The following KLHL8 variants were observed in gnomAD, a reference collection of about 807,000 sequenced individuals.
KLHL8 encodes kelch-like protein 8.
KLHL8 carries 38 observed loss-of-function variants against 63.5 expected under a neutral mutation model. That is an observed-to-expected ratio of 0.60 (90% confidence interval 0.46 to 0.78). The LOEUF (loss-of-function observed/expected upper bound fraction) is 0.78. Ranked by LOEUF, KLHL8 falls within the 30% of genes least tolerant of loss-of-function variation. KLHL8 has a pLI of 0.00. For missense variants in KLHL8, 566 were observed against 752.4 expected, an observed-to-expected ratio of 0.75 and a Z score of 2.90; for synonymous variants, 224 against 254.3, an observed-to-expected ratio of 0.88 and a Z score of 1.13.
intron 6 of KLHL8, among the ~76,000 whole-genome samples, chr4:87,174,248 GTA>G (rs975710927): frequency 2.3e-4 from 34 of 150,986 alleles, no homozygotes; most frequent in African/African-American, 8.0e-4. Flanking sequence ...ATATATGTGT[GTA>G]TGTGTGTGTG....
intron 1 of KLHL8, among the ~76,000 whole-genome samples, chr4:87,198,012 T>TAAA (rs3036206): frequency 4.4e-5 from 6 of 136,642 alleles, no homozygotes; most frequent in African/African-American, 1.6e-4. Flanking sequence ...CTTTAATTAT[T>TAAA]AAAAAAAAAA....
intron 8 of KLHL8, among the ~76,000 whole-genome samples, chr4:87,168,903 T>C (rs776683824): frequency 4.0e-5 from 6 of 150,568 alleles, no homozygotes; most frequent in Non-Finnish European, 7.4e-5. Flanking sequence ...CTTTTTTTGC[T>C]GTTAGGTGGG....
intron 1 of KLHL8, among the ~76,000 whole-genome samples, chr4:87,202,430 C>T (rs2110026897): frequency 6.6e-6 from 1 of 152,118 alleles, no homozygotes. Context: ...TGTTGATCAA[C>T]AGAATTGATA....
chr4:87,207,387 T>C, intron 1 of KLHL8: 1 of 672,778 alleles, frequency 1.5e-6, no homozygotes, highest in South Asian at 1.5e-5. Flanking sequence ...CCACTGGTGT[T>C]TTCACCCCCA....
chr4:87,174,332 G>A (rs1730738753), intron 6 of KLHL8, among the ~76,000 whole-genome samples: 2 of 151,476 alleles, frequency 1.3e-5, no homozygotes, highest in Admixed American at 1.3e-4. Context: ...AGACTGGAGT[G>A]CAATGGCGCA....
intron 1 of KLHL8, among the ~76,000 whole-genome samples, chr4:87,234,578 C>T (rs902381934): frequency 6.6e-6 from 1 of 151,998 alleles, no homozygotes; most frequent in Non-Finnish European, 1.5e-5. Flanking sequence ...TACTGTGTTG[C>T]CAGTGGTATA....
Position 87,163,410 on chromosome 4 carries a change from A to C in KLHL8, c.*109T>G. ...GTCACAATACAACAGTTAACATTTA[A>C]ATAAGACTCTAGTTGCAGTAAAAAG... On this transcript the variant is annotated 3_prime_UTR_variant, in exon 10 of 10. Transcript: ENST00000273963. 1 of 1,101,812 alleles carries C rather than the reference A, an allele frequency of 9.1e-7. No individual in the cohort carries two copies. Among genetic ancestry groups the C allele is most frequent in the South Asian group, 1.6e-5 (1 of 63,490 alleles). The allele number at this position is 1,101,812 out of a possible 1,614,324, so 68.3% of individuals were successfully genotyped here. A position where few individuals can be genotyped will look rare whatever the true frequency, so the allele number is the denominator to read the frequency against.
chr4:87,207,806 C>A, intron 1 of KLHL8: 1 of 997,494 alleles, frequency 1.0e-6, no homozygotes, highest in Non-Finnish European at 1.6e-6. Flanking sequence ...GCCAAGGTGT[C>A]GGTCATTAAC....
rs1253445103 is a variant in KLHL8, at chr4:87,185,419, T to C, written c.597A>G (p.Val199=). 4 of 1,614,196 alleles carry C rather than the reference T, an allele frequency of 2.5e-6. No homozygotes were observed. The highest frequency in any genetic ancestry group is 3.4e-6 in the Non-Finnish European group (4 of 1,180,024). Residue 199 remains valine (V), a synonymous_variant, in exon 3 of 10, where the codon GTA becomes GTG. Transcript: ENST00000273963. ...CACTTACAAAGTCTTCACACTCCAC[T>C]ACTTCAGTAAAATGGTCACAGGCAT... is the stretch of plus-strand genomic sequence containing the variant. ...DQYACDHFTE[V]VECEDFVSVS...
At chr4:87,180,105 C>T (rs1266791891) in intron 4 of KLHL8, among the ~76,000 whole-genome samples, 1 of 152,192 alleles carries the variant, frequency 6.6e-6, no homozygotes, top group African/African-American at 2.4e-5. Flanking sequence ...AATCTCCTCC[C>T]CTCTTTCTCT....
chr4:87,170,588 T>A lies in KLHL8; in HGVS notation c.1236A>T (p.Gly412=), dbSNP rs760070920. ...KRRGIALASL[G]GPIYAIGGLD... is the part of the protein sequence containing the mutation. Reference sequence around the variant, plus strand: ...ACCCTCCAATTGCATAAATTGGGCCTCCTAAGGAAGCCAAGGCAATTCCTC... The same window carrying A: ...ACCCTCCAATTGCATAAATTGGGCCACCTAAGGAAGCCAAGGCAATTCCTC... The change falls in exon 7 of 10, where the codon GGA becomes GGT. Residue 412 remains glycine, a synonymous_variant. Transcript: ENST00000273963. 1 of 1,612,542 alleles carries A rather than the reference T, an allele frequency of 6.2e-7. No homozygotes were observed. Among genetic ancestry groups the A allele is most frequent in the Non-Finnish European group, 8.5e-7 (1 of 1,179,598 alleles).
At position 87,195,426 on chromosome 4, in the gene KLHL8, TCCATCA is replaced by T. The variant is rs764244294; in HGVS notation, c.108_113del (p.Asp37_Gly38del). ...TTGCTTCAAAAATAAAGGAATCTTC[TCCATCA>T]CCATCACTAATTGAGGATCTGTTCT... On this transcript the variant is annotated inframe_deletion, in exon 2 of 10. Coordinates refer to ENST00000273963, the MANE Select transcript of KLHL8 (RefSeq NM_020803.5). 6.2e-7 allele frequency: 1 copy of T among 1,613,806 alleles called. No individual in the cohort carries two copies. Among genetic ancestry groups the T allele is most frequent in the South Asian group, 1.1e-5 (1 of 91,076 alleles).
chr4:87,183,230 G>A lies in KLHL8; in HGVS notation c.925C>T (p.Arg309Trp), dbSNP rs199714460. 139 of 1,610,206 alleles carry A rather than the reference G, an allele frequency of 8.6e-5. 1 individual carries two copies. Among genetic ancestry groups the A allele is most frequent in the Non-Finnish European group, 1.4e-5 (17 of 1,177,744 alleles). ...GCAGTATGCTTCCTTGGGGTAGTCC[G>A]AATGGAGTATTCAAAGTCAGGTACT... is the stretch of plus-strand genomic sequence containing the variant. ...RAVPDFEYSI[R>W]TTPRKHTAGV... The change falls in exon 4 of 10, where the codon CGG becomes TGG. Residue 309 changes from arginine (R) to tryptophan (W), a missense_variant. Coordinates refer to ENST00000273963, the MANE Select transcript of KLHL8 (RefSeq NM_020803.5).
intron 1 of KLHL8, among the ~76,000 whole-genome samples, chr4:87,239,079 T>C (rs373069028): frequency 6.6e-6 from 1 of 152,338 alleles, no homozygotes; most frequent in Admixed American, 6.5e-5. Context: ...TTCAATACAA[T>C]ATATACCTTT....
intron 1 of KLHL8, among the ~76,000 whole-genome samples, chr4:87,199,164 C>T (rs1370751983): frequency 6.6e-6 from 1 of 151,776 alleles, no homozygotes; most frequent in African/African-American, 2.4e-5. Context: ...ACACACCACG[C>T]CAACAGTAAC....
intron 8 of KLHL8, chr4:87,167,171 A>G: frequency 1.9e-6 from 1 of 521,462 alleles, no homozygotes; most frequent in South Asian, 1.7e-5. Flanking sequence ...AAGAAAGGAA[A>G]CATTACACTG....
upstream of KLHL8, among the ~76,000 whole-genome samples, chr4:87,225,383 ATAGTACTTGATG>A (rs1732955016): frequency 6.6e-6 from 1 of 152,208 alleles, no homozygotes; most frequent in South Asian, 2.1e-4. Context: ...AAATAACAGC[ATAGTACTTGATG>A]TATAGATGCT....
intron 1 of KLHL8, among the ~76,000 whole-genome samples, chr4:87,216,748 A>C (rs996573119): frequency 1.3e-5 from 2 of 152,174 alleles, no homozygotes; most frequent in Admixed American, 6.5e-5. Context: ...ACCCATTTAA[A>C]AAAAAAGCAG....
At chr4:87,236,683 T>TA (rs1733237146) in intron 1 of KLHL8, among the ~76,000 whole-genome samples, 1 of 147,684 alleles carries the variant, frequency 6.8e-6, no homozygotes, top group African/African-American at 2.5e-5. Context: ...TTTTTTTTTT[T>TA]AGATGGAGTC....
Sources: gnomAD v4.1 joint callset for allele counts (sites outside exome capture counted in the v4.1 genomes callset) on GRCh38, gnomAD v4.1.1 for gene constraint, MANE v1.5 for transcripts, NCBI Gene and HGNC (gene_info 2026-07-23, HGNC 2026-07-21) for gene names.